The following COL11A2 variants were observed in gnomAD, a reference collection of about 807,000 sequenced individuals.
COL11A2 encodes the protein collagen type XI alpha 2 chain.
In COL11A2, 116 loss-of-function variants were observed where a neutral mutation model predicts 273.4. The ratio of observed to expected loss-of-function variants is 0.42; its 90% CI spans 0.36 to 0.49. The LOEUF (loss-of-function observed/expected upper bound fraction) is 0.49. COL11A2 is among the 20% of genes least tolerant of loss of function. COL11A2 has a pLI of 0.00. For synonymous variants in COL11A2, 782 were observed against 864.2 expected (o/e 0.90, Z 1.67); for missense variants, 1,866 against 2,309.0 (o/e 0.81, Z 3.93).
At chr6:33,186,412 C>G in intron 5 of COL11A2, 1 of 1,429,430 alleles carries the variant, frequency 7.0e-7, no homozygotes, top group Non-Finnish European at 9.1e-7. Context: ...GAAGAGGAGA[C>G]GCAGAGCAGG....
At position 33,170,068 on chromosome 6, in the gene COL11A2, G is replaced by C; in HGVS notation, c.3615C>G (p.Asn1205Lys). The change falls in exon 49 of 66, where the codon AAC becomes AAG. Residue 1205 changes from asparagine to lysine, a missense_variant. Transcript: ENST00000341947. The surrounding 1 kb of genome is among the most constrained non-coding windows in gnomAD (Gnocchi z 4.3). ...GPQGPPGGVGNLGPPGEKGEP... is the reference protein window; with the variant it reads ...GPQGPPGGVGKLGPPGEKGEP... ...TTACCTTCTCTCCAGGGGGACCCAGGTTCCCAACACCTCCTGGGGGACCTT... is the reference window on the plus strand; with the variant it reads ...TTACCTTCTCTCCAGGGGGACCCAGCTTCCCAACACCTCCTGGGGGACCTT... 1 of 1,613,064 alleles carries C rather than the reference G, an allele frequency of 6.2e-7. No individual in the cohort carries two copies. Among genetic ancestry groups the C allele is most frequent in the Non-Finnish European group, 8.5e-7 (1 of 1,180,020 alleles).
At position 33,168,730 on chromosome 6, in the gene COL11A2, G is replaced by A. The variant is rs752282200; in HGVS notation, c.3882C>T (p.Gly1294=). 65 of 1,594,638 alleles carry A rather than the reference G, an allele frequency of 4.1e-5. No individual in the cohort carries two copies. Among genetic ancestry groups the A allele is most frequent in the Non-Finnish European group, 5.0e-5 (59 of 1,170,450 alleles). ...CAGGCTGTCCTGGCTCACCATCCTC[G>A]CCTCGGTCACCCTTAGCACCATCCT... ...RGQDGAKGDR[G]EDGEPGQPGS... Residue 1294 remains glycine, a synonymous_variant, in exon 53 of 66, where the codon GGC becomes GGT. Transcript: ENST00000341947.
chr6:33,192,486 G>T, upstream of COL11A2: 2 of 563,528 alleles, frequency 3.5e-6, no homozygotes, highest in Non-Finnish European at 6.3e-6. Flanking sequence ...CCACCCTGGC[G>T]CCCAGAGCCC....
intron 38 of COL11A2, 138 bp from the exon 39 acceptor site, chr6:33,172,775 C>T: frequency 1.2e-6 from 1 of 837,240 alleles, no homozygotes; most frequent in Non-Finnish European, 2.0e-6. Context: ...AATTCCCCGG[C>T]ATTCCTGGGC....
intron 52 of COL11A2, 33 bp from the exon 53 acceptor site, chr6:33,168,792 C>G: frequency 6.3e-7 from 1 of 1,598,060 alleles, no homozygotes; most frequent in Non-Finnish European, 8.5e-7. Flanking sequence ...GAGGTGGGCC[C>G]CCAACCTGGC....
Position 33,171,715 on chromosome 6 carries a change from G to A in COL11A2, c.3148C>T (p.Pro1050Ser). 6.2e-7 allele frequency: 1 copy of A among 1,612,688 alleles called. No individual in the cohort carries two copies. Residue 1050 changes from proline to serine, a missense_variant and splice_region_variant, in exon 42 of 66, where the codon CCA becomes TCA. Physicochemically the swap from Pro to Ser is moderately conservative, Grantham distance 74. Transcript: ENST00000341947. ...PPGAAGEKGV[P>S]GEKGPIGPTG... ...CTCCCCAATACCCCCACACTCACTG[G>A]GACACCTTTCTCTCCTGCTGCTCCA... is the stretch of plus-strand genomic sequence containing the variant.
At chr6:33,171,616 T>A in intron 42 of COL11A2, 42 bp from the exon 43 acceptor site, 6 of 1,604,124 alleles carry the variant, frequency 3.7e-6, no homozygotes, top group Non-Finnish European at 5.1e-6. Context: ...GAGGTGACCC[T>A]CACCCTCAAA....
At chr6:33,168,620 G>C (rs1038280912) in intron 53 of COL11A2, 48 bp from the exon 54 acceptor site, 1 of 1,608,596 alleles carries the variant, frequency 6.2e-7, no homozygotes, top group Non-Finnish European at 8.5e-7. Context: ...CTCCAGCCAA[G>C]GGACCCCTCA....
rs775487504 is a variant in COL11A2 at position 33,172,620 on chromosome 6, G to C, written c.2808C>G (p.Thr936=). The C allele has an allele frequency of 6.2e-7, 1 of 1,612,152 alleles. No homozygotes were observed. Among genetic ancestry groups the C allele is most frequent in the African/African-American group, 1.3e-5 (1 of 74,828 alleles). ...GGTGACCTCTCTCCCCCATAGGGCC[G>C]GTTTCTCCTGCTGCTCCCTAGACAA... ...VVGPQGAAGE[T]GPMGERGHPG... The change falls in exon 39 of 66, where the codon ACC becomes ACG. Residue 936 remains threonine, a synonymous_variant. Coordinates refer to ENST00000341947, the MANE Select transcript of COL11A2 (RefSeq NM_080680.3).
intron 30 of COL11A2, chr6:33,175,339 A>G (rs951325158): frequency 9.1e-6 from 6 of 661,828 alleles, no homozygotes; most frequent in African/African-American, 3.5e-5. Context: ...AGCAACAGCT[A>G]CTCTCTAAGC....
chr6:33,169,744 C>T lies in COL11A2; in HGVS notation c.3690+87G>A. 2 of 1,526,208 alleles carry T rather than the reference C, an allele frequency of 1.3e-6. No homozygotes were observed. Among genetic ancestry groups the T allele is most frequent in the Admixed American group, 1.7e-5 (1 of 59,898 alleles). The allele number at this position is 1,526,208 out of a possible 1,614,324, so 94.5% of individuals were successfully genotyped here. The stretch of plus-strand genomic sequence containing the variant: ...AGAGACTCTTGCTGCAGAGGAGTTC[C>T]AGCTCAAGGAGGTCACAGGAAAAGT... On this transcript the variant is annotated intron_variant, in intron 50 of 65. Transcript: ENST00000341947. This position sits in a 1 kb window ranked among gnomAD's most constrained non-coding sequence, Gnocchi z 5.5.
intron 44 of COL11A2, 44 bp downstream of exon 44, chr6:33,171,227 G>A: frequency 6.2e-7 from 1 of 1,613,998 alleles, no homozygotes; most frequent in Non-Finnish European, 8.5e-7. Flanking sequence ...GTGGGACTGA[G>A]GTTAAAGGCC....
At position 33,169,021 on chromosome 6, in the gene COL11A2, G is replaced by A; in HGVS notation, c.3799-13C>T. On this transcript the variant is annotated splice_polypyrimidine_tract_variant and intron_variant, in intron 51 of 65. Transcript: ENST00000341947. The surrounding 1 kb of genome is among the most constrained non-coding windows in gnomAD (Gnocchi z 5.5). Reference sequence around the variant, plus strand: ...AACCAACAGGACCCTGATCCAGATGGAGAATAAGAGTCAGGGTCACAGCTC... The same window carrying A: ...AACCAACAGGACCCTGATCCAGATGAAGAATAAGAGTCAGGGTCACAGCTC... The A allele has an allele frequency of 1.2e-6, 2 of 1,602,826 alleles. No individual in the cohort carries two copies. Among genetic ancestry groups the A allele is most frequent in the Admixed American group, 1.7e-5 (1 of 58,820 alleles).
In COL11A2 at chr6:33,163,560, GC is replaced by G; in HGVS notation, c.*117del. On this transcript the variant is annotated 3_prime_UTR_variant, in exon 66 of 66. Coordinates refer to ENST00000341947, the MANE Select transcript of COL11A2 (RefSeq NM_080680.3). The surrounding 1 kb of genome is among the most constrained non-coding windows in gnomAD (Gnocchi z 4.1). ...CCTGCCCCGACTGAGGGCTCTCCAC[GC>G]CCTGGCCCAGGGCTCCCTAGATAGT... The G allele has an allele frequency of 2.0e-6, 3 of 1,535,034 alleles. No homozygotes were observed. The South Asian group carries it at 3.4e-5, about 17-fold the overall frequency.
In COL11A2 at chr6:33,190,631, G is replaced by A. The variant is rs1772991991; in HGVS notation, c.83-1162C>T. Among the ~76,000 whole-genome samples the A allele has an allele frequency of 6.6e-6, 1 of 152,142 alleles. No individual in the cohort carries two copies. The highest frequency in any genetic ancestry group is 1.5e-5 in the Non-Finnish European group (1 of 68,010). On this transcript the variant is annotated intron_variant, in intron 1 of 65. Coordinates refer to ENST00000341947, the MANE Select transcript of COL11A2 (RefSeq NM_080680.3). The surrounding 1 kb of genome is among the most constrained non-coding windows in gnomAD (Gnocchi z 4.5). ...TGGGGTGGGTGAGGTGGGGCGGGCA[G>A]GCAGAGAAAAGGCCCTTTGAGTCCA...
Position 33,176,382 on chromosome 6 carries a change from T to C in COL11A2, c.2169+51A>G. The C allele has an allele frequency of 3.1e-6, 5 of 1,606,032 alleles. No homozygotes were observed. The highest frequency in any genetic ancestry group is 3.4e-6 in the Non-Finnish European group (4 of 1,175,854). ...GAAGGACCAAGCTCCTAAGACCCCA[T>C]ATAGCTCCCCTGACCACAGCCCTTT... On this transcript the variant is annotated intron_variant, in intron 27 of 65. Transcript: ENST00000341947. The surrounding 1 kb of genome is among the most constrained non-coding windows in gnomAD (Gnocchi z 4.9).
intron 43 of COL11A2, 23 bp from the exon 44 acceptor site, chr6:33,171,347 A>G (rs748821567): frequency 1.2e-6 from 2 of 1,613,938 alleles, no homozygotes; most frequent in Non-Finnish European, 1.7e-6. Flanking sequence ...GGCAGACAAG[A>G]TATTAGAGAA....
In COL11A2 at chr6:33,172,378, C is replaced by G; in HGVS notation, c.2899G>C (p.Gly967Arg). Reference protein sequence around the residue: ...PGTAGKEGTKGDPGPPGAPGK... With the variant: ...PGTAGKEGTKRDPGPPGAPGK... ...GGGGCCCCAGGGGGACCAGGGTCAC[C>G]CTAAAAGGAAAGGAGAGGTGATGAG... The change falls in exon 40 of 66, where the codon GGT becomes CGT. Residue 967 changes from glycine to arginine, a missense_variant and splice_region_variant. Coordinates refer to ENST00000341947, the MANE Select transcript of COL11A2 (RefSeq NM_080680.3). 1 of 1,585,252 alleles carries G rather than the reference C, an allele frequency of 6.3e-7. No individual in the cohort carries two copies. The highest frequency in any genetic ancestry group is 1.1e-5 in the South Asian group (1 of 87,292).
At chr6:33,180,117 A>C in intron 12 of COL11A2, 141 bp downstream of exon 12, 4 of 960,904 alleles carry the variant, frequency 4.2e-6, no homozygotes, top group Non-Finnish European at 6.6e-6. Context: ...CCAACCCCAA[A>C]GACGAATCCC....
Sources: allele counts gnomAD v4.1 joint callset (sites outside exome capture counted in the v4.1 genomes callset), GRCh38; gene constraint gnomAD v4.1.1; non-coding constraint Gnocchi (gnomAD v3.1); transcripts MANE v1.5; gene names NCBI Gene and HGNC (gene_info 2026-07-23, HGNC 2026-07-21).